Variants in RPS6KA5 observed in about 807,000 individuals in gnomAD.
RPS6KA5 encodes ribosomal protein S6 kinase A5.
A neutral mutation model predicts 85.5 loss-of-function variants in RPS6KA5; 27 were observed. The observed-to-expected ratio is 0.32, with a 90% CI of 0.23 to 0.44. The LOEUF (loss-of-function observed/expected upper bound fraction) is 0.44. Among genes scored for constraint, RPS6KA5 ranks in the 20% least tolerant of loss-of-function variants. The pLI, the probability that RPS6KA5 is intolerant of heterozygous loss-of-function variation, is 1.00. For missense variants in RPS6KA5, 811 were observed against 980.9 expected (o/e 0.83, Z 2.31); for synonymous variants, 334 against 348.2 (o/e 0.96, Z 0.46).
chr14:90,971,296 G>A (rs958537310), intron 3 of RPS6KA5, among the ~76,000 whole-genome samples: 3 of 152,048 alleles, frequency 2.0e-5, no homozygotes, highest in South Asian at 2.1e-4. Flanking sequence ...CAGCCTAGGC[G>A]ACAGTGAACT....
rs926469499 is a variant in RPS6KA5, at chr14:91,060,536, G to A, written c.-102C>T. 7.4e-6 allele frequency: 9 copies of A among 1,222,396 alleles called. No individual in the cohort carries two copies. The highest frequency in any genetic ancestry group is 3.3e-5 in the East Asian group (1 of 30,642). 75.7% of individuals were successfully genotyped at this position (1,222,396 alleles called of 1,614,324 possible). On this transcript the variant is annotated 5_prime_UTR_variant, in exon 1 of 17. Transcript: ENST00000614987. ...CGCTGCCGCGGCCCCAGGAGTCGGG[G>A]TGCGGCGGCTCCAGAACTCGGACGC...
chr14:90,906,903 A>G (rs1051699350), intron 7 of RPS6KA5, among the ~76,000 whole-genome samples: 1 of 152,170 alleles, frequency 6.6e-6, no homozygotes, highest in African/African-American at 2.4e-5. Context: ...ACCTGCTTCA[A>G]TGTTTGCTGC....
At chr14:90,898,938 A>G (rs1251432951) in intron 12 of RPS6KA5, among the ~76,000 whole-genome samples, 1 of 152,148 alleles carries the variant, frequency 6.6e-6, no homozygotes, top group Admixed American at 6.5e-5. Flanking sequence ...GTTTTACTCT[A>G]GAAGTGAAAG....
intron 1 of RPS6KA5, among the ~76,000 whole-genome samples, chr14:91,028,719 C>G (rs2042074815): frequency 6.6e-6 from 1 of 151,422 alleles, no homozygotes; most frequent in South Asian, 2.1e-4. Flanking sequence ...AGGGTTTCAT[C>G]ATGTTATCCA....
intron 1 of RPS6KA5, among the ~76,000 whole-genome samples, chr14:91,041,794 G>A (rs1480795413): frequency 6.6e-6 from 1 of 152,162 alleles, no homozygotes. Flanking sequence ...TTATTGTCAG[G>A]TCACTTACCT....
chr14:90,869,467 C>G lies in RPS6KA5; in HGVS notation c.*2607G>C, dbSNP rs1006757323. The stretch of plus-strand genomic sequence containing the variant: ...CCTCTCAATTTGTCATATACAGTTA[C>G]AAAATATATGAATCAGGATTTATGT... On this transcript the variant is annotated 3_prime_UTR_variant, in exon 17 of 17. Coordinates refer to ENST00000614987, the MANE Select transcript of RPS6KA5 (RefSeq NM_004755.4). The G allele has an allele frequency of 1.3e-5, 2 of 151,472 alleles. No homozygotes were observed. Among genetic ancestry groups the G allele is most frequent in the African/African-American group, 4.9e-5 (2 of 41,160 alleles). 9.4% of individuals were successfully genotyped at this position (151,472 alleles called of 1,614,324 possible).
At chr14:91,008,487 A>G (rs1286145) in intron 1 of RPS6KA5, among the ~76,000 whole-genome samples, 2,166 of 152,340 alleles carry the variant, frequency 0.014, 64 homozygotes, top group African/African-American at 0.05. Context: ...CATTTACTCA[A>G]CAGTCAAGAG....
intron 5 of RPS6KA5, among the ~76,000 whole-genome samples, chr14:90,931,588 T>C (rs2036982567): frequency 6.6e-6 from 1 of 152,110 alleles, no homozygotes; most frequent in South Asian, 2.1e-4. Context: ...ATTTAGTACA[T>C]TGGATATTAA....
intron 6 of RPS6KA5, 38 bp from the exon 7 acceptor site, chr14:90,920,347 A>G: frequency 7.6e-7 from 1 of 1,307,892 alleles, no homozygotes; most frequent in South Asian, 1.3e-5. Context: ...TAGAATTATC[A>G]ACTAAAATAT....
chr14:90,936,374 G>A (rs2037255853), intron 5 of RPS6KA5, among the ~76,000 whole-genome samples: 1 of 151,966 alleles, frequency 6.6e-6, no homozygotes, highest in Admixed American at 6.6e-5. Context: ...GACCAACCTG[G>A]GCAACATGGT....
At chr14:91,011,602 T>C (rs1378356831) in intron 1 of RPS6KA5, among the ~76,000 whole-genome samples, 2 of 152,184 alleles carry the variant, frequency 1.3e-5, no homozygotes, top group South Asian at 2.1e-4. Context: ...ATCATGGAAA[T>C]TGCTGTATCA....
intron 1 of RPS6KA5, among the ~76,000 whole-genome samples, chr14:91,025,335 C>A (rs184859399): frequency 2.0e-5 from 3 of 152,222 alleles, no homozygotes; most frequent in Non-Finnish European, 4.4e-5. Flanking sequence ...TGAGCCACCA[C>A]GCCCAGTCTC....
At chr14:90,903,766 G>A (rs191989084) in intron 8 of RPS6KA5, among the ~76,000 whole-genome samples, 1 of 152,080 alleles carries the variant, frequency 6.6e-6, no homozygotes, top group African/African-American at 2.4e-5. Context: ...TCAAATCTAA[G>A]ATGCCATTAC....
chr14:90,866,736 T>C lies in RPS6KA5; in HGVS notation c.*5338A>G, dbSNP rs2032817590. 6.6e-6 allele frequency: 1 copy of C among 152,226 alleles called. No homozygotes were observed. The highest frequency in any genetic ancestry group is 2.1e-4 in the South Asian group (1 of 4,826). 9.4% of individuals were successfully genotyped at this position (152,226 alleles called of 1,614,324 possible). On this transcript the variant is annotated 3_prime_UTR_variant, in exon 17 of 17. Coordinates refer to ENST00000614987, the MANE Select transcript of RPS6KA5 (RefSeq NM_004755.4). ...ATGCCAGTCTTTAAAAATTCCTCTA[T>C]GTGTATATGTGGTTTCTTCTTCTTT...
intron 12 of RPS6KA5, among the ~76,000 whole-genome samples, chr14:90,895,655 G>A (rs1329118648): frequency 6.6e-6 from 1 of 152,210 alleles, no homozygotes; most frequent in African/African-American, 2.4e-5. Flanking sequence ...AGAGGCCAGG[G>A]TGAGAGGACT....
Position 90,967,343 on chromosome 14 carries a change from T to C in RPS6KA5, c.394+10963A>G, listed in dbSNP as rs139003142. ...TTCTAACTTCCACATAAGATTGTCATGAGGATTAAATGAGCTACTGAGGAT... is the reference window on the plus strand; with the variant it reads ...TTCTAACTTCCACATAAGATTGTCACGAGGATTAAATGAGCTACTGAGGAT... On this transcript the variant is annotated intron_variant, in intron 3 of 16. Coordinates refer to ENST00000614987, the MANE Select transcript of RPS6KA5 (RefSeq NM_004755.4). 1.2e-3 allele frequency among the ~76,000 whole-genome samples: 176 copies of C among 152,310 alleles called. 1 individual carries two copies. In the East Asian group the frequency reaches 0.012, roughly 10 times the overall value.
At chr14:91,051,871 T>C (rs934322706) in intron 1 of RPS6KA5, among the ~76,000 whole-genome samples, 1 of 151,712 alleles carries the variant, frequency 6.6e-6, no homozygotes, top group Non-Finnish European at 1.5e-5. Context: ...AAAGAACATC[T>C]ATGAAAAACT....
At chr14:90,926,430 T>A (rs920011103) in intron 5 of RPS6KA5, among the ~76,000 whole-genome samples, 1 of 151,538 alleles carries the variant, frequency 6.6e-6, no homozygotes, top group East Asian at 1.9e-4. Context: ...TAAAATTTAC[T>A]AAAGACTTAG....
chr14:90,909,262 C>T (rs1273018218), intron 7 of RPS6KA5, among the ~76,000 whole-genome samples: 1 of 152,164 alleles, frequency 6.6e-6, no homozygotes. Flanking sequence ...TGTCACTTCT[C>T]CTCCTCCAAT....
Sources: allele counts gnomAD v4.1 joint callset (sites outside exome capture counted in the v4.1 genomes callset), GRCh38; gene constraint gnomAD v4.1.1; transcripts MANE v1.5; gene names NCBI Gene and HGNC (gene_info 2026-07-23, HGNC 2026-07-21).